RAB18: variants seen among roughly 807,000 people sequenced by gnomAD.
RAB18 encodes ras-related protein Rab-18.
A neutral mutation model predicts 28.5 loss-of-function variants in RAB18; 10 were observed. That is an observed-to-expected ratio of 0.35 (90% CI 0.22 to 0.60). The LOEUF is 0.60. Among genes scored for constraint, RAB18 ranks in the 20% least tolerant of loss-of-function variants. RAB18 has a pLI of 0.78. For missense variants in RAB18, 188 were observed against 244.2 expected (o/e 0.77, Z 1.53); for synonymous variants, 93 against 86.9 (o/e 1.07, Z -0.39).
rs144242088 is a variant in RAB18 at position 27,509,911 on chromosome 10, A to C, written c.105A>C (p.Pro35=). 6.2e-7 allele frequency: 1 copy of C among 1,612,654 alleles called. No homozygotes were observed. Among genetic ancestry groups the C allele is most frequent in the Admixed American group, 1.7e-5 (1 of 60,004 alleles). Reference sequence around the variant, plus strand: ...GGTTCACAGATGATACGTTTGATCCAGAACTTGCAGCAACAATAGGTAAGC... The same window carrying C: ...GGTTCACAGATGATACGTTTGATCCCGAACTTGCAGCAACAATAGGTAAGC... ...LLRFTDDTFD[P]ELAATIGVDF... The change falls in exon 2 of 7, where the codon CCA becomes CCC. Residue 35 remains proline (P), a synonymous_variant. Transcript: ENST00000356940.
chr10:27,533,940 G>C lies in RAB18; in HGVS notation c.391G>C (p.Val131Leu). The C allele has an allele frequency of 6.2e-7, 1 of 1,610,558 alleles. No individual in the cohort carries two copies. The highest frequency in any genetic ancestry group is 1.1e-5 in the South Asian group (1 of 91,008). Residue 131 changes from valine to leucine, a missense_variant, in exon 6 of 7, where the codon GTC becomes CTC. Val to Leu is a conservative substitution (Grantham distance 32). Coordinates refer to ENST00000356940, the MANE Select transcript of RAB18 (RefSeq NM_021252.5). ...GNKIDKENRE[V>L]DRNEGLKFAR... is the part of the protein sequence containing the mutation. ...ATTTATATTTTAGGAAAATCGTGAA[G>C]TCGATAGAAATGAAGGCCTGAAATT... is the stretch of plus-strand genomic sequence containing the variant.
chr10:27,532,325 T>C (rs1834804029), intron 3 of RAB18, among the ~76,000 whole-genome samples, 182 bp from the exon 4 acceptor site: 1 of 136,854 alleles, frequency 7.3e-6, no homozygotes, highest in Non-Finnish European at 1.7e-5. Flanking sequence ...TCAGTATTTA[T>C]AAATAATTTT....
intron 2 of RAB18, among the ~76,000 whole-genome samples, chr10:27,521,938 C>T (rs2642274): frequency 0.2 from 30,350 of 151,766 alleles, 3,493 homozygotes; most frequent in Non-Finnish European, 0.26. Flanking sequence ...GAAGGGGAGA[C>T]GCATGGAAGC....
rs144078429 is a variant in RAB18, at chr10:27,516,434, T to C, written c.124+6504T>C. On this transcript the variant is annotated intron_variant, in intron 2 of 6. Coordinates refer to ENST00000356940, the MANE Select transcript of RAB18 (RefSeq NM_021252.5). ...TTAGCCAGGCGTGGTGGCAGGTGTG[T>C]GTAATCCCAGGTACCTGGGAGGCTG... Among the ~76,000 whole-genome samples the C allele has an allele frequency of 3.7e-4, 56 of 152,026 alleles. 2 individuals carry two copies. The East Asian group carries it at 0.011, about 30-fold the overall frequency.
intron 2 of RAB18, among the ~76,000 whole-genome samples, chr10:27,526,572 C>T (rs1053575824): frequency 6.6e-6 from 1 of 152,150 alleles, no homozygotes; most frequent in Non-Finnish European, 1.5e-5. Flanking sequence ...AATTGAATTT[C>T]GTTTTTCCTT....
At chr10:27,529,384 C>T (rs1297752009) in intron 3 of RAB18, among the ~76,000 whole-genome samples, 1 of 151,858 alleles carries the variant, frequency 6.6e-6, no homozygotes, top group African/African-American at 2.4e-5. Context: ...TCCATAGTTG[C>T]CTAATTCTTC....
rs1374048249 is a variant in RAB18, at chr10:27,520,273, G to T, written c.125-6555G>T. ...TGTTATCCATTTCGTTGACATAACG[G>T]TTGTTCATAGTATTCTCTTATGATC... On this transcript the variant is annotated intron_variant, in intron 2 of 6. Transcript: ENST00000356940. Among the ~76,000 whole-genome samples the T allele has an allele frequency of 2.0e-5, 3 of 151,970 alleles. No homozygotes were observed. The East Asian group carries it at 5.8e-4, about 29-fold the overall frequency.
At chr10:27,525,427 C>CTT (rs10655072) in intron 2 of RAB18, among the ~76,000 whole-genome samples, 63,997 of 145,910 alleles carry the variant, frequency 0.44, 14,118 homozygotes, top group Non-Finnish European at 0.5. Context: ...TTGTGCTTTG[C>CTT]TTTTTTTTTT....
At chr10:27,510,847 A>G (rs960779476) in intron 2 of RAB18, among the ~76,000 whole-genome samples, 1 of 152,192 alleles carries the variant, frequency 6.6e-6, no homozygotes, top group African/African-American at 2.4e-5. Flanking sequence ...TTAAAATTTT[A>G]TTGTGAAACA....
At chr10:27,518,864 A>G (rs930054676) in intron 2 of RAB18, among the ~76,000 whole-genome samples, 3 of 152,016 alleles carry the variant, frequency 2.0e-5, no homozygotes, top group Admixed American at 6.5e-5. Context: ...ATTTTCCCCT[A>G]TATTTTCTTC....
In RAB18 at chr10:27,540,410, C is replaced by T; in HGVS notation, c.*2359C>T. ...ATACTCTTCACCATCGCTCATTTTACAATGGGTAGTTAGTTACCAGCTTTT... is the reference window on the plus strand; with the variant it reads ...ATACTCTTCACCATCGCTCATTTTATAATGGGTAGTTAGTTACCAGCTTTT... On this transcript the variant is annotated 3_prime_UTR_variant, in exon 7 of 7. Transcript: ENST00000356940. 4.4e-6 allele frequency: 2 copies of T among 454,068 alleles called. No individual in the cohort carries two copies. The highest frequency in any genetic ancestry group is 8.8e-6 in the Non-Finnish European group (2 of 226,770). The allele number at this position is 454,068 out of a possible 1,614,324, so 28.1% of individuals were successfully genotyped here. A position where few individuals can be genotyped will look rare whatever the true frequency, so the allele number is the denominator to read the frequency against.
At chr10:27,504,653 A>G (rs781132403) in intron 1 of RAB18, 3 of 740,892 alleles carry the variant, frequency 4.0e-6, no homozygotes, top group Non-Finnish European at 7.5e-6. Flanking sequence ...GCCAGGCCCA[A>G]GTTCTCTGGG....
Position 27,540,583 on chromosome 10 carries a change from G to A in RAB18, c.*2532G>A. 1 of 454,124 alleles carries A rather than the reference G, an allele frequency of 2.2e-6. No homozygotes were observed. Among genetic ancestry groups the A allele is most frequent in the Non-Finnish European group, 4.4e-6 (1 of 226,776 alleles). 28.1% of individuals were successfully genotyped at this position (454,124 alleles called of 1,614,324 possible). A position where few individuals can be genotyped will look rare whatever the true frequency, so the allele number is the denominator to read the frequency against. ...GTCATGTGACATAAAAGTTAAGGTA[G>A]TGGAGTAGGTGGTCTTATTTCTTTC... On this transcript the variant is annotated 3_prime_UTR_variant, in exon 7 of 7. Transcript: ENST00000356940.
intron 2 of RAB18, among the ~76,000 whole-genome samples, chr10:27,513,360 C>CA (rs1213220496): frequency 6.6e-6 from 1 of 152,036 alleles, no homozygotes; most frequent in Non-Finnish European, 1.5e-5. Context: ...AACATAAAAA[C>CA]AATTACTTAA....
At chr10:27,528,220 T>G in intron 3 of RAB18, 1 of 430,784 alleles carries the variant, frequency 2.3e-6, no homozygotes, top group Non-Finnish European at 4.6e-6. Context: ...TCGTTTTGTT[T>G]TAAATTTATT....
At chr10:27,523,122 G>A (rs1465084643) in intron 2 of RAB18, among the ~76,000 whole-genome samples, 1 of 151,876 alleles carries the variant, frequency 6.6e-6, no homozygotes, top group Non-Finnish European at 1.5e-5. Context: ...TCTAATATGG[G>A]TGTTTAGTGC....
chr10:27,525,472 T>C (rs2132395980), intron 2 of RAB18, among the ~76,000 whole-genome samples: 1 of 152,096 alleles, frequency 6.6e-6, no homozygotes, highest in African/African-American at 2.4e-5. Context: ...GATAATTTCA[T>C]GTTGTTTATG....
intron 2 of RAB18, chr10:27,514,110 T>G (rs1834383099): frequency 6.6e-6 from 1 of 152,202 alleles, no homozygotes. Context: ...CACTCTGGCC[T>G]TCTGCATAAA....
intron 6 of RAB18, among the ~76,000 whole-genome samples, chr10:27,536,180 A>C (rs1429482670): frequency 6.6e-6 from 1 of 152,162 alleles, no homozygotes; most frequent in African/African-American, 2.4e-5. Flanking sequence ...AAAGATTGAG[A>C]TAAGAGCAGG....
Sources: gnomAD v4.1 joint callset for allele counts (sites outside exome capture counted in the v4.1 genomes callset) on GRCh38, gnomAD v4.1.1 for gene constraint, MANE v1.5 for transcripts, NCBI Gene and HGNC (gene_info 2026-07-23, HGNC 2026-07-21) for gene names.